Variants in EYS observed in about 807,000 individuals in gnomAD.
EYS encodes the protein protein eyes shut homolog.
A neutral mutation model predicts 282.1 loss-of-function variants in EYS; 250 were observed. The observed-to-expected ratio is 0.89, with a 90% CI of 0.80 to 0.98. The LOEUF (loss-of-function observed/expected upper bound fraction) is 0.98, where lower values mean the gene tolerates loss of function less well. Among genes scored for constraint, EYS ranks in the 50% least tolerant of loss-of-function variants. The pLI is 0.00. For missense variants in EYS, 4,016 were observed against 3,709.0 expected (o/e 1.08, Z -2.15); for synonymous variants, 1,355 against 1,282.9 (o/e 1.06, Z -1.20).
chr6:64,529,971 T>C (rs1382777756), intron 26 of EYS, among the ~76,000 whole-genome samples: 14 of 152,068 alleles, frequency 9.2e-5, no homozygotes, highest in Non-Finnish European at 2.1e-4. Flanking sequence ...GCTGGTCACT[T>C]GAAATTTGTG....
chr6:63,974,221 T>G (rs1040461864), intron 35 of EYS, among the ~76,000 whole-genome samples: 2 of 152,090 alleles, frequency 1.3e-5, no homozygotes, highest in African/African-American at 4.8e-5. Flanking sequence ...TTTACCATTT[T>G]TACGCATTTT....
intron 26 of EYS, among the ~76,000 whole-genome samples, chr6:64,550,071 C>CT (rs1429745820): frequency 1.3e-5 from 2 of 152,096 alleles, no homozygotes; most frequent in African/African-American, 4.8e-5. Flanking sequence ...TGAAATCATC[C>CT]TTTTTTATGG....
At chr6:64,168,870 T>G (rs184576316) in intron 31 of EYS, among the ~76,000 whole-genome samples, 1 of 152,178 alleles carries the variant, frequency 6.6e-6, no homozygotes. Context: ...GTAAAATTTA[T>G]GCTATGTCAG....
intron 29 of EYS, among the ~76,000 whole-genome samples, chr6:64,364,117 G>T (rs557598202): frequency 6.6e-6 from 1 of 151,638 alleles, no homozygotes; most frequent in Non-Finnish European, 1.5e-5. Context: ...TTAGTCTCTA[G>T]GCTTTTTCCT....
At chr6:64,767,916 C>A (rs1773403858) in intron 22 of EYS, among the ~76,000 whole-genome samples, 1 of 151,942 alleles carries the variant, frequency 6.6e-6, no homozygotes, top group Admixed American at 6.6e-5. Context: ...GTATGAGCTC[C>A]CCCTGTTTTT....
At chr6:64,569,540 G>A (rs1765657143) in intron 26 of EYS, among the ~76,000 whole-genome samples, 1 of 152,042 alleles carries the variant, frequency 6.6e-6, no homozygotes, top group African/African-American at 2.4e-5. Context: ...AGGAGATCAA[G>A]ACCATCCTGG....
intron 31 of EYS, among the ~76,000 whole-genome samples, chr6:64,186,751 C>T (rs769555835): frequency 2.0e-5 from 3 of 152,180 alleles, no homozygotes; most frequent in East Asian, 1.9e-4. Flanking sequence ...CTCAGAGGAA[C>T]GAAACTGAAG....
chr6:64,901,597 A>G (rs1767665681), intron 18 of EYS, among the ~76,000 whole-genome samples: 1 of 152,084 alleles, frequency 6.6e-6, no homozygotes. Flanking sequence ...TTCTACTTCT[A>G]TGTATGTAAC....
intron 12 of EYS, among the ~76,000 whole-genome samples, chr6:65,117,101 G>A (rs989427465): frequency 6.6e-6 from 1 of 152,190 alleles, no homozygotes; most frequent in African/African-American, 2.4e-5. Context: ...TTGCCAGACT[G>A]CAACTCTCCT....
chr6:64,729,992 A>C (rs1495540), intron 22 of EYS, among the ~76,000 whole-genome samples: 7,166 of 152,316 alleles, frequency 0.047, 233 homozygotes, highest in East Asian at 0.18. Flanking sequence ...AAGGAAAATG[A>C]CAAATATAGA....
chr6:65,257,896 A>T (rs957273996), intron 12 of EYS, among the ~76,000 whole-genome samples: 20 of 151,896 alleles, frequency 1.3e-4, no homozygotes, highest in Non-Finnish European at 1.5e-5. Context: ...GAGTTCAAAA[A>T]TATAGTTAAA....
At chr6:64,530,120 C>A (rs9362938) in intron 26 of EYS, among the ~76,000 whole-genome samples, 35,676 of 151,918 alleles carry the variant, frequency 0.23, 5,072 homozygotes, top group East Asian at 0.36. Flanking sequence ...GTAAAACAGT[C>A]TTTTTAGTAT....
intron 29 of EYS, among the ~76,000 whole-genome samples, chr6:64,358,930 T>G (rs1476609525): frequency 6.6e-6 from 1 of 151,652 alleles, no homozygotes; most frequent in Non-Finnish European, 1.5e-5. Context: ...AAAGAGAAAT[T>G]TATGCATGGG....
intron 19 of EYS, 132 bp downstream of exon 19, chr6:64,886,565 C>A: frequency 1.8e-6 from 1 of 551,960 alleles, no homozygotes. Flanking sequence ...TTATAAGAGA[C>A]AAATTATCTC....
intron 2 of EYS, among the ~76,000 whole-genome samples, chr6:65,618,858 G>A (rs1003741494): frequency 3.3e-4 from 50 of 152,142 alleles, no homozygotes; most frequent in African/African-American, 1.2e-3. Context: ...AGATCAGACA[G>A]TTGTAGATAT....
At chr6:63,810,737 C>T (rs569893690) in intron 36 of EYS, among the ~76,000 whole-genome samples, 11 of 152,318 alleles carry the variant, frequency 7.2e-5, no homozygotes, top group African/African-American at 2.4e-4. Context: ...AAACCTCTTC[C>T]ACCATACCAG....
chr6:64,776,874 GTT>G (rs1773694347), intron 22 of EYS, among the ~76,000 whole-genome samples: 1 of 145,970 alleles, frequency 6.9e-6, no homozygotes, highest in African/African-American at 2.8e-5. Flanking sequence ...GATTTCTGAT[GTT>G]ATGTTAGTTT....
intron 10 of EYS, among the ~76,000 whole-genome samples, chr6:65,338,831 A>G (rs576907968): frequency 6.6e-6 from 1 of 151,256 alleles, no homozygotes; most frequent in African/African-American, 2.4e-5. Context: ...TTATTACCCC[A>G]AAGTCACTTC....
intron 29 of EYS, among the ~76,000 whole-genome samples, chr6:64,308,375 T>C (rs991712615): frequency 2.6e-5 from 4 of 152,042 alleles, no homozygotes; most frequent in Non-Finnish European, 5.9e-5. Context: ...ATACTAGTAA[T>C]TACATGTGTA....
Sources: gnomAD v4.1 joint callset for allele counts (sites outside exome capture counted in the v4.1 genomes callset) on GRCh38, gnomAD v4.1.1 for gene constraint, MANE v1.5 for transcripts, NCBI Gene and HGNC (gene_info 2026-07-23, HGNC 2026-07-21) for gene names.